The following DPP6 variants were observed in gnomAD, a reference collection of about 807,000 sequenced individuals.
The protein encoded by DPP6 is dipeptidyl peptidase like 6.
In DPP6, 69 loss-of-function variants were observed where a neutral mutation model predicts 122.6. The observed-to-expected ratio is 0.56, with a 90% CI of 0.46 to 0.69. DPP6 has a LOEUF of 0.69. Among genes scored for constraint, DPP6 ranks in the 30% least tolerant of loss-of-function variants. The pLI is 0.00. For missense variants in DPP6, 928 were observed against 1,116.9 expected (o/e 0.83, Z 2.41); for synonymous variants, 418 against 433.1 (o/e 0.97, Z 0.43).
In DPP6 at chr7:154,755,672, A is replaced by C. The variant is rs1343571167; in HGVS notation, c.884-13745A>C. Among the ~76,000 whole-genome samples the C allele has an allele frequency of 6.6e-6, 1 of 152,188 alleles. No homozygotes were observed. Among genetic ancestry groups the C allele is most frequent in the Non-Finnish European group, 1.5e-5 (1 of 68,032 alleles). The stretch of plus-strand genomic sequence containing the variant: ...AAGAGGACTTACCCGGAAGCTGCCA[A>C]GTCTTACTGGAATTCAATAAGAAAA... On this transcript the variant is annotated intron_variant, in intron 8 of 25. Transcript: ENST00000377770. This position sits in a 1 kb window ranked among gnomAD's most constrained non-coding sequence, Gnocchi z 4.7.
intron 1 of DPP6, among the ~76,000 whole-genome samples, chr7:154,324,864 G>GTT (rs1172014611): frequency 6.7e-5 from 4 of 59,606 alleles, no homozygotes; most frequent in Admixed American, 2.2e-4. Context: ...CTTTCCTTTT[G>GTT]TTATTTTTTT....
chr7:154,347,381 T>G (rs1810488341), intron 1 of DPP6, among the ~76,000 whole-genome samples: 1 of 152,232 alleles, frequency 6.6e-6, no homozygotes, highest in African/African-American at 2.4e-5. Flanking sequence ...CATTAAAAGA[T>G]TCCAGTGATA....
At chr7:153,860,912 G>A in the DPP6 span, among the ~76,000 whole-genome samples, 124,095 of 152,180 alleles carry the variant, frequency 0.82, 50,843 homozygotes, top group African/African-American at 0.88. Context: ...GGAGAGGCAA[G>A]TTAATCCTCT....
chr7:154,338,514 G>T (rs1004264145), intron 1 of DPP6, among the ~76,000 whole-genome samples: 5 of 152,212 alleles, frequency 3.3e-5, no homozygotes, highest in African/African-American at 1.2e-4. Context: ...AAAAGAAAAA[G>T]AAAGAAAAGA....
chr7:153,815,379 T>G, the DPP6 span, among the ~76,000 whole-genome samples: 1 of 152,158 alleles, frequency 6.6e-6, no homozygotes, highest in Non-Finnish European at 1.5e-5. Context: ...TTTTTTTTTA[T>G]TAGTATACTT....
intron 10 of DPP6, among the ~76,000 whole-genome samples, chr7:154,776,590 C>T (rs1346101822): frequency 6.6e-6 from 1 of 152,048 alleles, no homozygotes; most frequent in Non-Finnish European, 1.5e-5. Flanking sequence ...TCCTGTGGGG[C>T]GGGCCCTGGC....
intron 1 of DPP6, among the ~76,000 whole-genome samples, chr7:153,998,631 A>G (rs560190113): frequency 1.3e-5 from 2 of 152,348 alleles, no homozygotes; most frequent in South Asian, 4.1e-4. Flanking sequence ...CTCACCTGTA[A>G]TGAGATGGGA....
At chr7:153,781,199 C>T in the DPP6 span, among the ~76,000 whole-genome samples, 1 of 152,188 alleles carries the variant, frequency 6.6e-6, no homozygotes, top group African/African-American at 2.4e-5. Flanking sequence ...GCCCCTTTCT[C>T]ACCTTGCCTG....
intron 15 of DPP6, among the ~76,000 whole-genome samples, chr7:154,805,288 C>A (rs2280662): frequency 0.015 from 2,245 of 152,022 alleles, 53 homozygotes; most frequent in African/African-American, 0.052. Context: ...GGAATTCTGC[C>A]CCCCCTGCCC....
rs375029099 is a variant in DPP6 at position 154,445,225 on chromosome 7, A to G, written c.244-989A>G. ...TTACTAAGTTGCAGTTATGTGCACT[A>G]TAAGAGTGTATTCTCCAGACTATAC... On this transcript the variant is annotated intron_variant, in intron 1 of 25. Transcript: ENST00000377770. 1.2e-4 allele frequency among the ~76,000 whole-genome samples: 18 copies of G among 152,292 alleles called. No homozygotes were observed. In the South Asian group the frequency reaches 2.5e-3, roughly 21 times the overall value.
chr7:154,184,017 T>G (rs1263058176), intron 1 of DPP6, among the ~76,000 whole-genome samples: 2 of 152,118 alleles, frequency 1.3e-5, no homozygotes, highest in Non-Finnish European at 2.9e-5. Context: ...TGGCCAAATC[T>G]CTATTTTTCT....
the DPP6 span, among the ~76,000 whole-genome samples, chr7:153,755,028 A>G: frequency 4.0e-5 from 6 of 150,524 alleles, no homozygotes; most frequent in Admixed American, 4.0e-4. Context: ...TGTTGACTGT[A>G]TTTTCTTCTC....
chr7:154,445,284 T>C (rs1381453119), intron 1 of DPP6, among the ~76,000 whole-genome samples: 1 of 152,218 alleles, frequency 6.6e-6, no homozygotes, highest in Non-Finnish European at 1.5e-5. Context: ...AGTGTGACCA[T>C]CTGTCCTTAT....
intron 1 of DPP6, among the ~76,000 whole-genome samples, chr7:154,401,732 C>T (rs900568327): frequency 1.3e-5 from 2 of 152,072 alleles, no homozygotes; most frequent in Admixed American, 1.3e-4. Flanking sequence ...GCAACCAAAG[C>T]CAAAATTGAC....
At chr7:154,491,395 C>T (rs1241706202) in intron 3 of DPP6, among the ~76,000 whole-genome samples, 1 of 152,160 alleles carries the variant, frequency 6.6e-6, no homozygotes, top group Non-Finnish European at 1.5e-5. Flanking sequence ...TTGCTCAGAT[C>T]CCACAGATGA....
intron 1 of DPP6, among the ~76,000 whole-genome samples, chr7:154,213,314 A>T (rs1438735175): frequency 6.6e-6 from 1 of 152,222 alleles, no homozygotes; most frequent in Non-Finnish European, 1.5e-5. Flanking sequence ...TTTGACATAT[A>T]TGTATAAACA....
chr7:153,985,211 T>C (rs1796781356), intron 1 of DPP6, among the ~76,000 whole-genome samples: 1 of 152,232 alleles, frequency 6.6e-6, no homozygotes, highest in Admixed American at 6.5e-5. Flanking sequence ...GGATTAGATC[T>C]TTGATTGGGC....
chr7:154,669,321 A>G, intron 6 of DPP6, 39 bp from the exon 7 acceptor site: 1 of 1,551,658 alleles, frequency 6.4e-7, no homozygotes, highest in South Asian at 1.2e-5. Flanking sequence ...TTGGTTCCCA[A>G]CATTTTGCTT....
Position 154,691,827 on chromosome 7 carries a change from A to G in DPP6, c.762+22386A>G, listed in dbSNP as rs199691753. Among the ~76,000 whole-genome samples the G allele has an allele frequency of 8.8e-3, 1,307 of 147,818 alleles. 22 individuals are homozygous for G. Among genetic ancestry groups the G allele is most frequent in the African/African-American group, 0.03 (1,235 of 41,082 alleles). ...GAGTGAGACTCTGTCTCAAAAAAAC[A>G]AATAAATAAATAAATGAAAGAAAAA... On this transcript the variant is annotated intron_variant, in intron 7 of 25. Coordinates refer to ENST00000377770, the MANE Select transcript of DPP6 (RefSeq NM_130797.4).
Sources: allele counts gnomAD v4.1 joint callset (sites outside exome capture counted in the v4.1 genomes callset), GRCh38; gene constraint gnomAD v4.1.1; non-coding constraint Gnocchi (gnomAD v3.1); transcripts MANE v1.5; gene names NCBI Gene and HGNC (gene_info 2026-07-23, HGNC 2026-07-21).